The following STK32B variants were observed in gnomAD, a reference collection of about 807,000 sequenced individuals.
STK32B encodes serine/threonine-protein kinase 32B.
STK32B carries 43 observed loss-of-function variants against 52.6 expected under a neutral mutation model. The ratio of observed to expected loss-of-function variants is 0.82; its 90% CI spans 0.64 to 1.05. STK32B has a LOEUF of 1.05. STK32B is among the 50% of genes least tolerant of loss of function. The pLI is 0.00. For synonymous variants in STK32B, 238 were observed against 204.3 expected, an observed-to-expected ratio of 1.17 and a Z score of -1.41; for missense variants, 621 against 534.6, an observed-to-expected ratio of 1.16 and a Z score of -1.59.
chr4:5,331,475 G>C, intron 4 of STK32B, 82 bp downstream of exon 4: 1 of 1,451,278 alleles, frequency 6.9e-7, no homozygotes, highest in East Asian at 2.4e-5. Context: ...AGTGGGGAGA[G>C]AATTTTGTCC....
intron 3 of STK32B, among the ~76,000 whole-genome samples, chr4:5,313,102 T>C (rs1179599507): frequency 7.0e-6 from 1 of 143,244 alleles, no homozygotes; most frequent in East Asian, 2.0e-4. Flanking sequence ...GCAAAAGTAA[T>C]TGTGGTTTTT....
intron 6 of STK32B, among the ~76,000 whole-genome samples, chr4:5,446,392 C>T (rs1577515100): frequency 6.6e-6 from 1 of 152,048 alleles, no homozygotes; most frequent in African/African-American, 2.4e-5. Context: ...AAGGTGAAAC[C>T]CCATCCCTAC....
At chr4:5,176,625 G>A (rs1719925314) in intron 3 of STK32B, among the ~76,000 whole-genome samples, 1 of 151,886 alleles carries the variant, frequency 6.6e-6, no homozygotes, top group African/African-American at 2.4e-5. Context: ...TGTGTTCTTA[G>A]TAAAGACAGG....
the STK32B span, among the ~76,000 whole-genome samples, chr4:5,044,759 A>C: frequency 6.6e-6 from 1 of 151,958 alleles, no homozygotes; most frequent in Non-Finnish European, 1.5e-5. Flanking sequence ...TTAAAATAAA[A>C]AGTCAGCCAG....
In STK32B at chr4:5,446,654, C is replaced by A; in HGVS notation, c.563-19C>A. The A allele has an allele frequency of 6.2e-7, 1 of 1,607,222 alleles. No homozygotes were observed. The highest frequency in any genetic ancestry group is 1.1e-5 in the South Asian group (1 of 90,926). ...AACTGGGATACACAATGATGTTCTCCTTGTCCTCTCGTTGGCAGCTCCAGA... is the reference window on the plus strand; with the variant it reads ...AACTGGGATACACAATGATGTTCTCATTGTCCTCTCGTTGGCAGCTCCAGA... On this transcript the variant is annotated intron_variant, in intron 6 of 11. Coordinates refer to ENST00000282908, the MANE Select transcript of STK32B (RefSeq NM_018401.3).
intron 3 of STK32B, among the ~76,000 whole-genome samples, chr4:5,195,523 T>G (rs1721575759): frequency 6.6e-6 from 1 of 152,136 alleles, no homozygotes; most frequent in Non-Finnish European, 1.5e-5. Flanking sequence ...TGGAATCCTT[T>G]CTGTACTAAA....
chr4:5,445,233 TGGTCA>T (rs1460833804), intron 6 of STK32B, among the ~76,000 whole-genome samples: 2 of 152,182 alleles, frequency 1.3e-5, no homozygotes, highest in African/African-American at 4.8e-5. Context: ...ATGTGGCTGC[TGGTCA>T]GATTCAAGTG....
At chr4:5,361,926 A>G (rs779237077) in intron 4 of STK32B, among the ~76,000 whole-genome samples, 4 of 152,236 alleles carry the variant, frequency 2.6e-5, no homozygotes, top group African/African-American at 4.8e-5. Context: ...TCAGCATTGC[A>G]GTTTGGAAGA....
At chr4:5,224,098 T>G (rs899795341) in intron 3 of STK32B, among the ~76,000 whole-genome samples, 1 of 152,198 alleles carries the variant, frequency 6.6e-6, no homozygotes, top group Non-Finnish European at 1.5e-5. Flanking sequence ...TAGAAGAGAT[T>G]CTTGACTTTG....
intron 6 of STK32B, among the ~76,000 whole-genome samples, chr4:5,427,982 G>A (rs908491679): frequency 2.0e-5 from 3 of 151,476 alleles, no homozygotes; most frequent in East Asian, 3.9e-4. Flanking sequence ...CTCTTAAGGT[G>A]GAAGTTTAGG....
chr4:5,333,932 T>G (rs1208883191), intron 4 of STK32B, among the ~76,000 whole-genome samples: 2 of 152,232 alleles, frequency 1.3e-5, no homozygotes, highest in African/African-American at 4.8e-5. Context: ...TTTGTTCTTT[T>G]GGCTTAGGAT....
chr4:5,179,634 C>T (rs1410584032), intron 3 of STK32B, among the ~76,000 whole-genome samples: 4 of 151,982 alleles, frequency 2.6e-5, no homozygotes, highest in Non-Finnish European at 5.9e-5. Context: ...AGACGATGGC[C>T]CTTCAAGCTA....
intron 3 of STK32B, among the ~76,000 whole-genome samples, chr4:5,227,506 C>G (rs1036173449): frequency 2.0e-5 from 3 of 152,124 alleles, no homozygotes; most frequent in Non-Finnish European, 4.4e-5. Context: ...ATATGAGACA[C>G]AAATTTTCTA....
chr4:5,430,194 C>T (rs1713453718), intron 6 of STK32B, among the ~76,000 whole-genome samples: 1 of 152,152 alleles, frequency 6.6e-6, no homozygotes, highest in Admixed American at 6.5e-5. Context: ...TCTCTCTCTA[C>T]TCTGCTTCTG....
intron 1 of STK32B, among the ~76,000 whole-genome samples, chr4:5,134,201 T>A (rs1715935204): frequency 6.6e-6 from 1 of 152,208 alleles, no homozygotes; most frequent in South Asian, 2.1e-4. Flanking sequence ...ATCTTCCAAT[T>A]TCTTGCGGTT....
chr4:5,329,721 G>A (rs1261930317), intron 3 of STK32B, among the ~76,000 whole-genome samples: 1 of 152,184 alleles, frequency 6.6e-6, no homozygotes, highest in Non-Finnish European at 1.5e-5. Context: ...TAAGCCTCTG[G>A]TAAATTCATG....
chr4:5,199,087 G>A (rs920025264), intron 3 of STK32B, among the ~76,000 whole-genome samples: 12 of 152,120 alleles, frequency 7.9e-5, no homozygotes, highest in African/African-American at 2.7e-4. Flanking sequence ...GGTTAATCTC[G>A]GGGAGTCCTA....
intron 2 of STK32B, among the ~76,000 whole-genome samples, chr4:5,147,106 A>G (rs1716972138): frequency 6.6e-6 from 1 of 151,952 alleles, no homozygotes; most frequent in African/African-American, 2.4e-5. Flanking sequence ...ATGTTTTGTC[A>G]TTTTTAGGGT....
chr4:5,236,592 A>G (rs893134743), intron 3 of STK32B, among the ~76,000 whole-genome samples: 2 of 152,200 alleles, frequency 1.3e-5, no homozygotes, highest in African/African-American at 2.4e-5. Context: ...TCTGAGACGT[A>G]TATAAAGTAC....
Sources: allele counts gnomAD v4.1 joint callset (sites outside exome capture counted in the v4.1 genomes callset), GRCh38; gene constraint gnomAD v4.1.1; transcripts MANE v1.5; gene names NCBI Gene and HGNC (gene_info 2026-07-23, HGNC 2026-07-21).